The following SLC35B3 variants were observed in gnomAD, a reference collection of about 807,000 sequenced individuals.
SLC35B3 encodes solute carrier family 35 member B3.
A neutral mutation model predicts 44.1 loss-of-function variants in SLC35B3; 35 were observed. That is an observed-to-expected ratio of 0.79 (90% CI 0.61 to 1.05). The LOEUF (loss-of-function observed/expected upper bound fraction) is 1.05, where lower values mean the gene tolerates loss of function less well. Among genes scored for constraint, SLC35B3 ranks in the 50% least tolerant of loss-of-function variants. The pLI is 0.00. For missense variants in SLC35B3, 414 were observed against 476.4 expected, an observed-to-expected ratio of 0.87 and a Z score of 1.22; for synonymous variants, 146 against 167.3, an observed-to-expected ratio of 0.87 and a Z score of 0.98.
At position 8,420,695 on chromosome 6, in the gene SLC35B3, G is replaced by T; in HGVS notation, c.682+26C>A. 1 of 1,541,880 alleles carries T rather than the reference G, an allele frequency of 6.5e-7. No homozygotes were observed. Among genetic ancestry groups the T allele is most frequent in the Non-Finnish European group, 8.9e-7 (1 of 1,121,612 alleles). On this transcript the variant is annotated intron_variant, in intron 6 of 10. Coordinates refer to ENST00000644923, the MANE Select transcript of SLC35B3 (RefSeq NM_001370476.2). The surrounding 1 kb of genome is among the most constrained non-coding windows in gnomAD (Gnocchi z 4.4). The stretch of plus-strand genomic sequence containing the variant: ...ATTCTAAACTAAAAAGCCTATAAAA[G>T]CTAGGAATATAAATAAATTACTTAC...
rs149250629 is a variant in SLC35B3, at chr6:8,413,993, C to G, written c.1056-294G>C. On this transcript the variant is annotated intron_variant, in intron 10 of 10. Coordinates refer to ENST00000644923, the MANE Select transcript of SLC35B3 (RefSeq NM_001370476.2). ...GTATATTCAAAGTACAGTCCCCTACCAAAAGTCGTAAAAGTACACTTAAAG... is the reference window on the plus strand; with the variant it reads ...GTATATTCAAAGTACAGTCCCCTACGAAAAGTCGTAAAAGTACACTTAAAG... 3.0e-3 allele frequency among the ~76,000 whole-genome samples: 460 copies of G among 152,080 alleles called. 1 individual carries two copies. The highest frequency in any genetic ancestry group is 0.01 in the African/African-American group (420 of 41,500).
rs796618755 is a variant in SLC35B3 at position 8,416,207 on chromosome 6, A to AT, written c.985+676dup. ...TACTAGGGCTATGTATGCATTAGCT[A>AT]TGATTATTGCCAGCTCTGGCTTTCT... On this transcript the variant is annotated intron_variant, in intron 9 of 10. Coordinates refer to ENST00000644923, the MANE Select transcript of SLC35B3 (RefSeq NM_001370476.2). Among the ~76,000 whole-genome samples the AT allele has an allele frequency of 6.6e-5, 10 of 152,282 alleles. 1 individual carries two copies. Among genetic ancestry groups the AT allele is most frequent in the African/African-American group, 2.4e-4 (10 of 41,562 alleles).
chr6:8,435,374 C>T lies in SLC35B3; in HGVS notation c.-75G>A. The T allele has an allele frequency of 7.8e-7, 1 of 1,288,858 alleles. No homozygotes were observed. Among genetic ancestry groups the T allele is most frequent in the Non-Finnish European group, 1.0e-6 (1 of 988,832 alleles). The allele number at this position is 1,288,858 out of a possible 1,614,324, so 79.8% of individuals were successfully genotyped here. A position where few individuals can be genotyped will look rare whatever the true frequency, so the allele number is the denominator to read the frequency against. ...GCCGGTATGTCACCCGGAAGGGTGACGGCAGCCTGCGTGGCGTCTGAGCTA... is the reference window on the plus strand; with the variant it reads ...GCCGGTATGTCACCCGGAAGGGTGATGGCAGCCTGCGTGGCGTCTGAGCTA... On this transcript the variant is annotated 5_prime_UTR_variant, in exon 1 of 11. Coordinates refer to ENST00000644923, the MANE Select transcript of SLC35B3 (RefSeq NM_001370476.2). The surrounding 1 kb of genome is among the most constrained non-coding windows in gnomAD (Gnocchi z 5.5).
intron 3 of SLC35B3, among the ~76,000 whole-genome samples, 186 bp from the exon 3 acceptor site, chr6:8,428,244 A>G (rs552832971): frequency 5.3e-5 from 8 of 152,352 alleles, no homozygotes; most frequent in African/African-American, 1.9e-4. Context: ...CTTGTGCCAT[A>G]GATGATATAA....
chr6:8,433,888 A>G lies in SLC35B3; in HGVS notation c.3+497T>C, dbSNP rs1764225792. On this transcript the variant is annotated intron_variant, in intron 2 of 10. Transcript: ENST00000644923. The surrounding 1 kb of genome is among the most constrained non-coding windows in gnomAD (Gnocchi z 4.1). ...TCCACTTCAAACATTAATGACTGAT[A>G]CTAACCATCATCTAAAAAAAAAAAT... is the stretch of plus-strand genomic sequence containing the variant. 7.3e-6 allele frequency among the ~76,000 whole-genome samples: 1 copy of G among 136,564 alleles called. No individual in the cohort carries two copies. The highest frequency in any genetic ancestry group is 1.6e-5 in the Non-Finnish European group (1 of 64,310). The allele number at this position is 136,564 out of a possible 152,430, so 89.6% of individuals were successfully genotyped here.
At chr6:8,424,512 G>A (rs375379559) in intron 4 of SLC35B3, among the ~76,000 whole-genome samples, 24 of 152,056 alleles carry the variant, frequency 1.6e-4, no homozygotes, top group Admixed American at 2.6e-4. Context: ...AACCTGCCTC[G>A]GCCTCCCAAA....
At chr6:8,427,045 T>C (rs1763483788) in intron 4 of SLC35B3, among the ~76,000 whole-genome samples, 1 of 151,786 alleles carries the variant, frequency 6.6e-6, no homozygotes, top group Non-Finnish European at 1.5e-5. Flanking sequence ...GTGTATCTGG[T>C]GGAAGAAATT....
At chr6:8,416,398 C>A (rs1762416338) in intron 9 of SLC35B3, among the ~76,000 whole-genome samples, 1 of 152,090 alleles carries the variant, frequency 6.6e-6, no homozygotes, top group Non-Finnish European at 1.5e-5. Flanking sequence ...CAGGGCCAAG[C>A]AAAGACCCTG....
At position 8,417,490 on chromosome 6, in the gene SLC35B3, A is replaced by G. The variant is rs774410829; in HGVS notation, c.785T>C (p.Leu262Ser). Residue 262 changes from leucine to serine, a missense_variant, in exon 8 of 11, where the codon TTG becomes TCG. Physicochemically the swap from Leu to Ser is moderately radical, Grantham distance 145. Coordinates refer to ENST00000644923, the MANE Select transcript of SLC35B3 (RefSeq NM_001370476.2). ...TACAAAACCAATTGAATACGAATAC[A>G]ATACCTAGAGCAGATAAAAATAAAG... The G allele has an allele frequency of 2.2e-5, 35 of 1,580,114 alleles. No individual in the cohort carries two copies. The highest frequency in any genetic ancestry group is 2.8e-5 in the Non-Finnish European group (33 of 1,158,648).
rs1561753374 is a variant in SLC35B3, at chr6:8,422,454, C to T, written c.574+16G>A. 5 of 1,588,048 alleles carry T rather than the reference C, an allele frequency of 3.1e-6. No homozygotes were observed. In the Admixed American group the frequency reaches 6.9e-5, roughly 22 times the overall value. On this transcript the variant is annotated intron_variant, in intron 5 of 10. Coordinates refer to ENST00000644923, the MANE Select transcript of SLC35B3 (RefSeq NM_001370476.2). Reference sequence around the variant, plus strand: ...CTATTAGTTTTAAATAGTATAAAAACATATCATTACTATACCTTGAATAAA... The same window carrying T: ...CTATTAGTTTTAAATAGTATAAAAATATATCATTACTATACCTTGAATAAA...
At chr6:8,413,806 A>G (rs574470952) in intron 10 of SLC35B3, 107 bp from the exon 10 acceptor site, 2 of 644,904 alleles carry the variant, frequency 3.1e-6, no homozygotes, top group South Asian at 5.0e-5. Flanking sequence ...GTGAAGTAAA[A>G]TTCTATTAGA....
Position 8,416,954 on chromosome 6 carries a change from G to A in SLC35B3, c.915C>T (p.Leu305=). Reference sequence around the variant, plus strand: ...CAAAGGAGATTCCAAAATATCCAGTGAGGGAAAAAAGGAACGCATAACCAT... The same window carrying A: ...CAAAGGAGATTCCAAAATATCCAGTAAGGGAAAAAAGGAACGCATAACCAT... The change falls in exon 9 of 11, where the codon CTC becomes CTT. Residue 305 remains leucine (L), a synonymous_variant. Transcript: ENST00000644923. 1.2e-6 allele frequency: 2 copies of A among 1,605,008 alleles called. No homozygotes were observed. Among genetic ancestry groups the A allele is most frequent in the South Asian group, 1.1e-5 (1 of 89,148 alleles).
intron 10 of SLC35B3, 124 bp from the exon 10 acceptor site, chr6:8,413,823 CAAT>C (rs1259414475): frequency 1.1e-5 from 6 of 562,280 alleles, no homozygotes; most frequent in African/African-American, 3.9e-5. Flanking sequence ...TAGAAGCCTA[CAAT>C]AATAGCATTA....
chr6:8,415,087 G>A, intron 9 of SLC35B3, 110 bp from the exon 9 acceptor site: 2 of 596,160 alleles, frequency 3.4e-6, no homozygotes, highest in Non-Finnish European at 5.7e-6. Flanking sequence ...ATCTGTTGAG[G>A]TGCCAAGGTG....
chr6:8,422,113 G>A (rs1011743399), intron 5 of SLC35B3, among the ~76,000 whole-genome samples: 2 of 151,888 alleles, frequency 1.3e-5, no homozygotes, highest in Admixed American at 6.6e-5. Flanking sequence ...CAAGCAATTC[G>A]TCTGCCTCAG....
intron 4 of SLC35B3, 93 bp from the exon 4 acceptor site, chr6:8,422,717 T>G (rs1462627845): frequency 2.1e-6 from 2 of 959,076 alleles, no homozygotes; most frequent in Non-Finnish European, 3.1e-6. Flanking sequence ...TCTAATTACT[T>G]TTCTAATTTC....
rs1764338806 is a variant in SLC35B3 at position 8,434,904 on chromosome 6, A to T, written c.-44+439T>A. ...TAAACTTAATAGCCCAGCCAGAACAATCACATTCTACTGCAAGCCAAATGG... is the reference window on the plus strand; with the variant it reads ...TAAACTTAATAGCCCAGCCAGAACATTCACATTCTACTGCAAGCCAAATGG... On this transcript the variant is annotated intron_variant, in intron 1 of 10. Transcript: ENST00000644923. The surrounding 1 kb of genome is among the most constrained non-coding windows in gnomAD (Gnocchi z 6.3). 6.6e-6 allele frequency among the ~76,000 whole-genome samples: 1 copy of T among 151,966 alleles called. No homozygotes were observed. Among genetic ancestry groups the T allele is most frequent in the African/African-American group, 2.4e-5 (1 of 41,382 alleles).
At chr6:8,413,817 A>T in intron 10 of SLC35B3, 118 bp from the exon 10 acceptor site, 1 of 596,836 alleles carries the variant, frequency 1.7e-6, no homozygotes, top group South Asian at 2.6e-5. Context: ...TTCTATTAGA[A>T]GCCTACAATA....
rs542401192 is a variant in SLC35B3 at position 8,435,122 on chromosome 6, C to T, written c.-44+221G>A. ...GGACCTGAGGGAGTTCTCGCCAGCC[C>T]GAGGGCGAAAAACGGGCGAGGAGGA... On this transcript the variant is annotated intron_variant, in intron 1 of 10. Coordinates refer to ENST00000644923, the MANE Select transcript of SLC35B3 (RefSeq NM_001370476.2). This position sits in a 1 kb window ranked among gnomAD's most constrained non-coding sequence, Gnocchi z 5.5. 6 of 1,263,900 alleles carry T rather than the reference C, an allele frequency of 4.7e-6. No homozygotes were observed. Among genetic ancestry groups the T allele is most frequent in the Non-Finnish European group, 3.1e-6 (3 of 976,394 alleles). The allele number at this position is 1,263,900 out of a possible 1,614,324, so 78.3% of individuals were successfully genotyped here.
Sources: allele counts gnomAD v4.1 joint callset (sites outside exome capture counted in the v4.1 genomes callset), GRCh38; gene constraint gnomAD v4.1.1; non-coding constraint Gnocchi (gnomAD v3.1); transcripts MANE v1.5; gene names NCBI Gene and HGNC (gene_info 2026-07-23, HGNC 2026-07-21).